The following DDHD1 variants were observed in gnomAD, a reference collection of about 807,000 sequenced individuals.
DDHD1 encodes the protein DDHD domain containing 1.
Under a neutral mutation model 96.4 loss-of-function variants are expected in DDHD1, and 49 were observed. The observed-to-expected ratio is 0.51, with a 90% CI of 0.40 to 0.64. DDHD1 has a LOEUF of 0.64. DDHD1 is among the 30% of genes least tolerant of loss of function. DDHD1 has a pLI of 0.00. For missense variants in DDHD1, 1,106 were observed against 1,161.2 expected (o/e 0.95, Z 0.69); for synonymous variants, 442 against 446.5 (o/e 0.99, Z 0.13).
chr14:53,053,373 G>C (rs966173637), intron 11 of DDHD1: 1 of 152,038 alleles, frequency 6.6e-6, no homozygotes, highest in African/African-American at 2.4e-5. Context: ...TTCCAGACTT[G>C]CAATTATAAA....
chr14:53,119,991 T>C (rs1436372553), intron 1 of DDHD1, among the ~76,000 whole-genome samples: 1 of 152,132 alleles, frequency 6.6e-6, no homozygotes, highest in East Asian at 1.9e-4. Context: ...GGTATTCAAA[T>C]AGGAAGAGAG....
intron 1 of DDHD1, among the ~76,000 whole-genome samples, chr14:53,111,284 C>A (rs1307384320): frequency 6.6e-6 from 1 of 152,178 alleles, no homozygotes; most frequent in African/African-American, 2.4e-5. Flanking sequence ...TGCCATCAAA[C>A]CATCCTTTAT....
chr14:53,125,867 A>T (rs1158515202), intron 1 of DDHD1, among the ~76,000 whole-genome samples: 1 of 152,060 alleles, frequency 6.6e-6, no homozygotes, highest in African/African-American at 2.4e-5. Context: ...ATGCCCGGCT[A>T]ATTTTTTGTA....
In DDHD1 at chr14:53,153,148, C is replaced by T; in HGVS notation, c.-50G>A. 7.5e-7 allele frequency: 1 copy of T among 1,330,128 alleles called. No homozygotes were observed. The highest frequency in any genetic ancestry group is 9.6e-7 in the Non-Finnish European group (1 of 1,038,648). 82.4% of individuals were successfully genotyped at this position (1,330,128 alleles called of 1,614,324 possible). On this transcript the variant is annotated 5_prime_UTR_variant, in exon 1 of 13. Transcript: ENST00000673822. ...CGGCGGCGCGCGGAGCCGTGACCCC[C>T]AGCGCTTCCGCCACACATTCAACGC...
chr14:53,047,550 A>G (rs1291017979), intron 12 of DDHD1, among the ~76,000 whole-genome samples: 1 of 152,228 alleles, frequency 6.6e-6, no homozygotes, highest in Non-Finnish European at 1.5e-5. Flanking sequence ...TGCCTGGGAC[A>G]TACAAACGCT....
chr14:53,068,059 T>C lies in DDHD1; in HGVS notation c.1503+4538A>G, dbSNP rs111255571. ...TCAACTTTATAAATTTATTTTGATA[T>C]AATATTTCATCTAATCTACCATCCA... is the stretch of plus-strand genomic sequence containing the variant. On this transcript the variant is annotated intron_variant, in intron 6 of 12. Coordinates refer to ENST00000673822, the MANE Select transcript of DDHD1 (RefSeq NM_001160148.2). Among the ~76,000 whole-genome samples the C allele has an allele frequency of 4.9e-3, 745 of 152,262 alleles. 6 individuals are homozygous for C. Among genetic ancestry groups the C allele is most frequent in the African/African-American group, 0.017 (713 of 41,554 alleles).
intron 1 of DDHD1, among the ~76,000 whole-genome samples, chr14:53,142,269 C>T (rs1264746306): frequency 1.3e-5 from 2 of 152,168 alleles, no homozygotes; most frequent in Admixed American, 6.5e-5. Flanking sequence ...ATGGCTGTCA[C>T]GTCCATTGAC....
intron 8 of DDHD1, 101 bp from the exon 9 acceptor site, chr14:53,058,727 A>C: frequency 9.5e-7 from 1 of 1,052,810 alleles, no homozygotes; most frequent in Non-Finnish European, 1.4e-6. Flanking sequence ...AAATAATAAA[A>C]TATCTTTGAG....
At position 53,041,673 on chromosome 14, in the gene DDHD1, T is replaced by G. The variant is rs1336963823; in HGVS notation, c.*5095A>C. ...CTGGATATCTTATTTTTTTCTTGAT[T>G]TTCTTTTTGTTGTTTTGTATTTCTT... is the stretch of plus-strand genomic sequence containing the variant. On this transcript the variant is annotated 3_prime_UTR_variant, in exon 13 of 13. Coordinates refer to ENST00000673822, the MANE Select transcript of DDHD1 (RefSeq NM_001160148.2). The G allele has an allele frequency of 6.6e-6, 1 of 152,226 alleles. No homozygotes were observed. Among genetic ancestry groups the G allele is most frequent in the African/African-American group, 2.4e-5 (1 of 41,472 alleles). 9.4% of individuals were successfully genotyped at this position (152,226 alleles called of 1,614,324 possible). A position where few individuals can be genotyped will look rare whatever the true frequency, so the allele number is the denominator to read the frequency against.
At chr14:53,063,832 A>G (rs1883800394) in intron 6 of DDHD1, among the ~76,000 whole-genome samples, 1 of 152,096 alleles carries the variant, frequency 6.6e-6, no homozygotes, top group Non-Finnish European at 1.5e-5. Context: ...GGCTATTTTA[A>G]GTTTAGAGGT....
At chr14:53,145,161 A>T (rs566622822) in intron 1 of DDHD1, among the ~76,000 whole-genome samples, 12 of 152,216 alleles carry the variant, frequency 7.9e-5, no homozygotes, top group African/African-American at 2.9e-4. Flanking sequence ...AAAATAATAA[A>T]AAAAATAAAG....
chr14:53,129,826 T>C (rs911752182), intron 1 of DDHD1, among the ~76,000 whole-genome samples: 2 of 152,208 alleles, frequency 1.3e-5, no homozygotes, highest in African/African-American at 4.8e-5. Flanking sequence ...AACTTGATAA[T>C]GGCTCTAAAT....
In DDHD1 at chr14:53,093,328, C is replaced by G; in HGVS notation, c.1129G>C (p.Gly377Arg). ...KIARTVTQKL[G>R]FSKASSSGTR... ...ATTTAACAATTACCTTTAGAAAATC[C>G]CAGTTTTTGGGTAACTGTTCTTGCA... Residue 377 changes from glycine to arginine, a missense_variant, in exon 3 of 13, where the codon GGA becomes CGA. This residue lies in a region of DDHD1 where 650 missense variants were observed against 758.8 expected (regional missense o/e 0.86). Transcript: ENST00000673822. 1 of 1,606,942 alleles carries G rather than the reference C, an allele frequency of 6.2e-7. No individual in the cohort carries two copies. Among genetic ancestry groups the G allele is most frequent in the Non-Finnish European group, 8.5e-7 (1 of 1,178,172 alleles).
chr14:53,063,440 T>C (rs556374124), intron 6 of DDHD1, among the ~76,000 whole-genome samples: 1 of 151,938 alleles, frequency 6.6e-6, no homozygotes, highest in African/African-American at 2.4e-5. Context: ...TAGATCCTTC[T>C]GTAGTCCTTA....
chr14:53,103,241 G>T, intron 2 of DDHD1: 1 of 472,128 alleles, frequency 2.1e-6, no homozygotes, highest in Non-Finnish European at 3.6e-6. Context: ...AACTTGATAT[G>T]GTTTTCAATA....
intron 2 of DDHD1, 137 bp downstream of exon 2, chr14:53,103,546 T>C: frequency 1.5e-6 from 1 of 671,186 alleles, no homozygotes; most frequent in Non-Finnish European, 2.3e-6. Flanking sequence ...AATTCTAGAA[T>C]AATCAAATGT....
At chr14:53,058,447 AG>A in intron 9 of DDHD1, 29 bp downstream of exon 9, 1 of 1,576,188 alleles carries the variant, frequency 6.3e-7, no homozygotes, top group East Asian at 2.3e-5. Flanking sequence ...TTTGACATTG[AG>A]AAAAAAAAGA....
chr14:53,102,599 A>G (rs1021417692), intron 2 of DDHD1, among the ~76,000 whole-genome samples: 3 of 152,082 alleles, frequency 2.0e-5, no homozygotes, highest in African/African-American at 4.8e-5. Flanking sequence ...TTTTAATTTG[A>G]TATAAGCTAA....
chr14:53,067,405 G>A (rs891770199), intron 6 of DDHD1, among the ~76,000 whole-genome samples: 11 of 151,166 alleles, frequency 7.3e-5, no homozygotes, highest in Non-Finnish European at 1.0e-4. Context: ...TGATCTGCCC[G>A]TCTCGGCCTC....
Sources: allele counts gnomAD v4.1 joint callset (sites outside exome capture counted in the v4.1 genomes callset), GRCh38; gene constraint gnomAD v4.1.1; regional missense constraint gnomAD v4.1.1; transcripts MANE v1.5; gene names NCBI Gene and HGNC (gene_info 2026-07-23, HGNC 2026-07-21).